EBF1: variants seen among roughly 807,000 people sequenced by gnomAD.
EBF1 encodes the protein EBF transcription factor 1.
EBF1 carries 10 observed loss-of-function variants against 68.4 expected under a neutral mutation model. The observed-to-expected ratio is 0.15, with a 90% CI of 0.09 to 0.25. The LOEUF (loss-of-function observed/expected upper bound fraction) is 0.25. EBF1 is among the 10% of genes least tolerant of loss of function. The pLI is 1.00. For missense variants in EBF1, 509 were observed against 794.4 expected (o/e 0.64, Z 4.32); for synonymous variants, 298 against 299.8 (o/e 0.99, Z 0.06).
At chr5:159,040,243 CTGAG>C (rs1468964652) in intron 6 of EBF1, among the ~76,000 whole-genome samples, 1 of 152,130 alleles carries the variant, frequency 6.6e-6, no homozygotes, top group African/African-American at 2.4e-5. Context: ...CTCTCTGTCG[CTGAG>C]TGAGAGGCAG....
Position 158,902,721 on chromosome 5 carries a change from G to A in EBF1, c.555-62611C>T, listed in dbSNP as rs140422971. Among the ~76,000 whole-genome samples, 166 of 151,990 alleles carry A rather than the reference G, an allele frequency of 1.1e-3. 1 individual carries two copies. The highest frequency in any genetic ancestry group is 3.8e-3 in the African/African-American group (159 of 41,462). ...TCCTCCCATATCAGCCTCTCAAAGTGCTGAGATTACAGGTGTGAGCCACAG... is the reference window on the plus strand; with the variant it reads ...TCCTCCCATATCAGCCTCTCAAAGTACTGAGATTACAGGTGTGAGCCACAG... On this transcript the variant is annotated intron_variant, in intron 6 of 15. Coordinates refer to ENST00000313708, the MANE Select transcript of EBF1 (RefSeq NM_024007.5).
chr5:158,853,614 A>T (rs1793404128), intron 6 of EBF1, among the ~76,000 whole-genome samples: 1 of 152,156 alleles, frequency 6.6e-6, no homozygotes, highest in Non-Finnish European at 1.5e-5. Context: ...CAAGAAAGAT[A>T]AGGAGAAGTG....
Position 158,700,786 on chromosome 5 carries a change from C to G in EBF1, c.1745-1644G>C, listed in dbSNP as rs545558711. Among the ~76,000 whole-genome samples the G allele has an allele frequency of 2.0e-5, 3 of 152,288 alleles. 1 individual carries two copies. The highest frequency in any genetic ancestry group is 4.2e-4 in the South Asian group (2 of 4,818). On this transcript the variant is annotated intron_variant, in intron 15 of 15. Coordinates refer to ENST00000313708, the MANE Select transcript of EBF1 (RefSeq NM_024007.5). ...TCATCCAAATGTTGTTTTGCAAGAG[C>G]CTTTTTGCAGCCCAAAAGCTCCTGG...
chr5:158,928,680 TTTAAG>T (rs1301442941), intron 6 of EBF1, among the ~76,000 whole-genome samples: 2 of 152,212 alleles, frequency 1.3e-5, no homozygotes, highest in African/African-American at 2.4e-5. Context: ...TACAAAAAGA[TTTAAG>T]TTAAGTGACT....
intron 6 of EBF1, among the ~76,000 whole-genome samples, chr5:158,969,194 C>T (rs945187990): frequency 6.6e-6 from 1 of 152,034 alleles, no homozygotes; most frequent in African/African-American, 2.4e-5. Context: ...CTCAGCTACA[C>T]AGGAGGTTGA....
chr5:158,793,936 T>C (rs182529410), intron 9 of EBF1, among the ~76,000 whole-genome samples: 2 of 152,328 alleles, frequency 1.3e-5, no homozygotes, highest in Admixed American at 1.3e-4. Flanking sequence ...AAGGGTTCAC[T>C]TCTACAAGGA....
At chr5:158,967,069 A>G (rs7380132) in intron 6 of EBF1, among the ~76,000 whole-genome samples, 31,370 of 151,210 alleles carry the variant, frequency 0.21, 3,871 homozygotes, top group African/African-American at 0.35. Flanking sequence ...AGATAAAAAA[A>G]CCTTTTCAGG....
At chr5:159,058,081 A>G (rs6888447) in intron 6 of EBF1, among the ~76,000 whole-genome samples, 1,644 of 152,334 alleles carry the variant, frequency 0.011, 31 homozygotes, top group African/African-American at 0.037. Flanking sequence ...AATTCCAAGC[A>G]TCAGCCAGAA....
chr5:158,847,321 C>T (rs1363640992), intron 6 of EBF1, among the ~76,000 whole-genome samples: 1 of 152,136 alleles, frequency 6.6e-6, no homozygotes, highest in East Asian at 1.9e-4. Context: ...CGTAGGTCTC[C>T]TCATACTAGA....
rs948961611 is a variant in EBF1, at chr5:158,773,337, C to A, written c.1036+4076G>T. Among the ~76,000 whole-genome samples, 4 of 152,006 alleles carry A rather than the reference C, an allele frequency of 2.6e-5. No individual in the cohort carries two copies. The South Asian group carries it at 8.3e-4, about 32-fold the overall frequency. On this transcript the variant is annotated intron_variant, in intron 10 of 15. Coordinates refer to ENST00000313708, the MANE Select transcript of EBF1 (RefSeq NM_024007.5). ...AAGGTACAAACAGGAAGTATTTCCA[C>A]GAAGAATTCTCATTTCGAAGTTAGT...
intron 6 of EBF1, among the ~76,000 whole-genome samples, chr5:158,910,423 T>C (rs1354314009): frequency 6.6e-6 from 1 of 152,254 alleles, no homozygotes; most frequent in South Asian, 2.1e-4. Context: ...ATGGATATGC[T>C]GAAGAAGGTG....
intron 6 of EBF1, among the ~76,000 whole-genome samples, chr5:158,941,535 G>T (rs984762344): frequency 1.3e-5 from 2 of 152,116 alleles, no homozygotes; most frequent in Non-Finnish European, 2.9e-5. Context: ...AAACTTAACT[G>T]CTTCTTCCAA....
chr5:159,071,158 A>C (rs1777724037), intron 6 of EBF1, among the ~76,000 whole-genome samples: 1 of 152,232 alleles, frequency 6.6e-6, no homozygotes, highest in Non-Finnish European at 1.5e-5. Flanking sequence ...CTCAGGTGCA[A>C]ATAAAAATAG....
intron 5 of EBF1, among the ~76,000 whole-genome samples, chr5:159,082,285 G>C (rs1190235688): frequency 6.6e-6 from 1 of 152,096 alleles, no homozygotes; most frequent in African/African-American, 2.4e-5. Context: ...TGTGCCGTTA[G>C]CTTTGATAGA....
At chr5:158,969,908 GAAAGAAAGAAAAA>G (rs1755201024) in intron 6 of EBF1, among the ~76,000 whole-genome samples, 1 of 104,772 alleles carries the variant, frequency 9.5e-6, no homozygotes, top group Admixed American at 1.1e-4. Context: ...AAGAAAGAAA[GAAAGAAAGAAAAA>G]AAAAAAAAAG....
chr5:159,021,079 C>G (rs1485417401), intron 6 of EBF1, among the ~76,000 whole-genome samples: 1 of 152,146 alleles, frequency 6.6e-6, no homozygotes, highest in African/African-American at 2.4e-5. Flanking sequence ...TAATTCATGC[C>G]ATGTTCATTA....
chr5:158,849,523 T>C (rs1280650035), intron 6 of EBF1, among the ~76,000 whole-genome samples: 2 of 152,202 alleles, frequency 1.3e-5, no homozygotes, highest in Non-Finnish European at 2.9e-5. Flanking sequence ...CTACACTCTG[T>C]TACAGCACTT....
intron 6 of EBF1, among the ~76,000 whole-genome samples, chr5:158,920,193 AT>A (rs147168915): frequency 0.023 from 3,538 of 152,088 alleles, 141 homozygotes; most frequent in African/African-American, 0.082. Flanking sequence ...ATACACACAT[AT>A]GCTTAATGTA....
intron 6 of EBF1, among the ~76,000 whole-genome samples, chr5:158,935,802 C>A (rs1811887434): frequency 6.6e-6 from 1 of 152,072 alleles, no homozygotes; most frequent in Admixed American, 6.5e-5. Context: ...TGACAAACAC[C>A]CACTCTGTGC....
Sources: allele counts gnomAD v4.1 joint callset (sites outside exome capture counted in the v4.1 genomes callset), GRCh38; gene constraint gnomAD v4.1.1; transcripts MANE v1.5; gene names NCBI Gene and HGNC (gene_info 2026-07-23, HGNC 2026-07-21).